CAMSAP2: variants seen among roughly 807,000 people sequenced by gnomAD.
CAMSAP2 encodes calmodulin-regulated spectrin-associated protein 2.
Under a neutral mutation model 146.1 loss-of-function variants are expected in CAMSAP2, and 26 were observed. That is an observed-to-expected ratio of 0.18 (90% CI 0.13 to 0.25). CAMSAP2 has a LOEUF of 0.25. CAMSAP2 is among the 10% of genes least tolerant of loss of function. CAMSAP2 has a pLI of 1.00. For synonymous variants in CAMSAP2, 499 were observed against 596.6 expected (o/e 0.84, Z 2.38); for missense variants, 1,381 against 1,759.3 (o/e 0.78, Z 3.85).
Position 200,739,598 on chromosome 1 carries a change from C to T in CAMSAP2, c.-230C>T, listed in dbSNP as rs1664085999. 2 of 251,162 alleles carry T rather than the reference C, an allele frequency of 8.0e-6. No homozygotes were observed. Among genetic ancestry groups the T allele is most frequent in the Non-Finnish European group, 1.5e-5 (2 of 137,488 alleles). 15.6% of individuals were successfully genotyped at this position (251,162 alleles called of 1,614,324 possible). A position where few individuals can be genotyped will look rare whatever the true frequency, so the allele number is the denominator to read the frequency against. On this transcript the variant is annotated 5_prime_UTR_variant, in exon 1 of 17. Transcript: ENST00000358823. This position sits in a 1 kb window ranked among gnomAD's most constrained non-coding sequence, Gnocchi z 4.8. ...CGCGGACGGACGGACGGAGACGGCGCCGCCACATTCCTATGCCCGGGAGCG... is the reference window on the plus strand; with the variant it reads ...CGCGGACGGACGGACGGAGACGGCGTCGCCACATTCCTATGCCCGGGAGCG...
chr1:200,740,100 A>G, intron 1 of CAMSAP2, 134 bp downstream of exon 1: 12 of 952,350 alleles, frequency 1.3e-5, no homozygotes. Flanking sequence ...ATGGGAGGCT[A>G]GGAAGAGAAA....
chr1:200,832,431 TGAGTGGGACCC>T lies in CAMSAP2; in HGVS notation c.787+91_787+101del. 8.2e-7 allele frequency: 1 copy of T among 1,220,300 alleles called. No individual in the cohort carries two copies. The highest frequency in any genetic ancestry group is 1.1e-6 in the Non-Finnish European group (1 of 897,258). 75.6% of individuals were successfully genotyped at this position (1,220,300 alleles called of 1,614,324 possible). Reference sequence around the variant, plus strand: ...TATTTTGCACTCCAGCCTAGGTGACTGAGTGGGACCCTGTCTCAAAAAAAAGACAATATTAT... The same window carrying T: ...TATTTTGCACTCCAGCCTAGGTGACTTGTCTCAAAAAAAAGACAATATTAT... On this transcript the variant is annotated intron_variant, in intron 5 of 16. Coordinates refer to ENST00000358823, the MANE Select transcript of CAMSAP2 (RefSeq NM_203459.4). This position sits in a 1 kb window ranked among gnomAD's most constrained non-coding sequence, Gnocchi z 4.2.
In CAMSAP2 at chr1:200,739,790, G is replaced by C; in HGVS notation, c.-38G>C. ...TGGTGGCGAGGCCACGCCATGTGAAGGTTAGGGCCGGGACATCCCGAGGAG... is the reference window on the plus strand; with the variant it reads ...TGGTGGCGAGGCCACGCCATGTGAACGTTAGGGCCGGGACATCCCGAGGAG... On this transcript the variant is annotated 5_prime_UTR_variant, in exon 1 of 17. Coordinates refer to ENST00000358823, the MANE Select transcript of CAMSAP2 (RefSeq NM_203459.4). The surrounding 1 kb of genome is among the most constrained non-coding windows in gnomAD (Gnocchi z 4.8). 6.2e-7 allele frequency: 1 copy of C among 1,601,732 alleles called. No individual in the cohort carries two copies. The highest frequency in any genetic ancestry group is 1.7e-5 in the Admixed American group (1 of 58,594).
chr1:200,758,982 C>T (rs1056111121), intron 1 of CAMSAP2, among the ~76,000 whole-genome samples: 3 of 152,106 alleles, frequency 2.0e-5, no homozygotes, highest in African/African-American at 7.2e-5. Context: ...CCAGATTGTT[C>T]CAAAACGTCA....
chr1:200,815,868 G>A (rs573114943), intron 4 of CAMSAP2, among the ~76,000 whole-genome samples: 1 of 152,328 alleles, frequency 6.6e-6, no homozygotes, highest in Non-Finnish European at 1.5e-5. Context: ...TAGAACTCAA[G>A]TTCTGAGGTT....
intron 3 of CAMSAP2, among the ~76,000 whole-genome samples, chr1:200,814,125 A>AAGGGGGGGG (rs1558188973): frequency 2.5e-4 from 1 of 3,972 alleles, no homozygotes; most frequent in East Asian, 8.5e-3. Flanking sequence ...AAAAAAAAAA[A>AAGGGGGGGG]GGTGGCGGGG....
rs145330521 is a variant in CAMSAP2 at position 200,817,217 on chromosome 1, CAT to C, written c.645+1576_645+1577del. Among the ~76,000 whole-genome samples the C allele has an allele frequency of 4.9e-4, 39 of 79,936 alleles. 1 individual carries two copies. Among genetic ancestry groups the C allele is most frequent in the Middle Eastern group, 6.8e-3 (1 of 146 alleles). The allele number at this position is 79,936 out of a possible 152,430, so 52.4% of individuals were successfully genotyped here. On this transcript the variant is annotated intron_variant, in intron 4 of 16. Coordinates refer to ENST00000358823, the MANE Select transcript of CAMSAP2 (RefSeq NM_203459.4). The stretch of plus-strand genomic sequence containing the variant: ...GTGTGTGTGTATACACACATACACA[CAT>C]ATGTGTGTGTATATACACACATACA...
chr1:200,782,310 C>T (rs1245334224), intron 2 of CAMSAP2, among the ~76,000 whole-genome samples: 1 of 152,134 alleles, frequency 6.6e-6, no homozygotes, highest in African/African-American at 2.4e-5. Context: ...AAAAAATCAA[C>T]TTTACTAAGG....
chr1:200,748,974 C>T (rs556889786), intron 1 of CAMSAP2, among the ~76,000 whole-genome samples: 4 of 152,132 alleles, frequency 2.6e-5, no homozygotes, highest in Admixed American at 2.0e-4. Flanking sequence ...CAAAAACTAG[C>T]CTAGAGGTCA....
intron 3 of CAMSAP2, among the ~76,000 whole-genome samples, chr1:200,810,575 CA>C (rs955804895): frequency 0.026 from 2,524 of 95,750 alleles, 19 homozygotes; most frequent in Non-Finnish European, 0.031. Context: ...GACTCCATCT[CA>C]AAAAAAAAAA....
At chr1:200,851,815 C>T (rs1667626109) in intron 11 of CAMSAP2, among the ~76,000 whole-genome samples, 1 of 152,084 alleles carries the variant, frequency 6.6e-6, no homozygotes, top group Non-Finnish European at 1.5e-5. Flanking sequence ...GGACAGTTGA[C>T]AAGGAGACAT....
chr1:200,850,339 C>G, intron 11 of CAMSAP2, 105 bp downstream of exon 11: 1 of 951,784 alleles, frequency 1.1e-6, no homozygotes, highest in Non-Finnish European at 1.5e-6. Flanking sequence ...CAGTAGCAGT[C>G]CCTTTTGATA....
chr1:200,811,292 C>A (rs12736722), intron 3 of CAMSAP2, among the ~76,000 whole-genome samples: 2 of 152,026 alleles, frequency 1.3e-5, no homozygotes, highest in East Asian at 3.9e-4. Context: ...TTCTTAGAAT[C>A]TTTCCTACAC....
chr1:200,748,456 T>C (rs781728402), intron 1 of CAMSAP2, among the ~76,000 whole-genome samples: 4 of 152,230 alleles, frequency 2.6e-5, no homozygotes, highest in African/African-American at 4.8e-5. Context: ...CAGTTTTATT[T>C]GTTCTAGTTA....
intron 2 of CAMSAP2, among the ~76,000 whole-genome samples, chr1:200,781,280 G>A (rs1356721919): frequency 6.6e-6 from 1 of 152,150 alleles, no homozygotes; most frequent in Non-Finnish European, 1.5e-5. Flanking sequence ...TACTAGGAAT[G>A]TCTTTATTGG....
Position 200,848,883 on chromosome 1 carries a change from G to A in CAMSAP2, c.2114G>A (p.Ser705Asn), listed in dbSNP as rs200988375. 6.2e-7 allele frequency: 1 copy of A among 1,614,152 alleles called. No individual in the cohort carries two copies. The highest frequency in any genetic ancestry group is 8.5e-7 in the Non-Finnish European group (1 of 1,180,004). Residue 705 changes from serine (S) to asparagine (N), a missense_variant, in exon 11 of 17, where the codon AGT becomes AAT. This residue lies in a region of CAMSAP2 where 447 missense variants were observed against 462.2 expected (regional missense o/e 0.97). Transcript: ENST00000358823. The stretch of plus-strand genomic sequence containing the variant: ...CTGAATCATACCGATGGAAAAAGTA[G>A]TGGAAGCAGTTCTCAAAAAACTACA... ...RKLNHTDGKSSGSSSQKTTPE... is the reference protein window; with the variant it reads ...RKLNHTDGKSNGSSSQKTTPE...
At chr1:200,829,777 A>G (rs1331123721) in intron 4 of CAMSAP2, among the ~76,000 whole-genome samples, 1 of 152,068 alleles carries the variant, frequency 6.6e-6, no homozygotes, top group Non-Finnish European at 1.5e-5. Flanking sequence ...AAATAGAAAA[A>G]TGAGGCAGGC....
Position 200,788,839 on chromosome 1 carries a change from A to G in CAMSAP2, c.400-18537A>G, listed in dbSNP as rs549398260. Among the ~76,000 whole-genome samples, 6 of 147,824 alleles carry G rather than the reference A, an allele frequency of 4.1e-5. No homozygotes were observed. In the South Asian group the frequency reaches 1.1e-3, roughly 26 times the overall value. On this transcript the variant is annotated intron_variant, in intron 2 of 16. Transcript: ENST00000358823. ...GTATTTTTTTTTTTTTTTAGTAGAG[A>G]CGGAGTTTCACTATGCTGGCCAGGC...
rs1018141901 is a variant in CAMSAP2, at chr1:200,739,154, G to C, written c.-674G>C. Among the ~76,000 whole-genome samples the C allele has an allele frequency of 3.3e-5, 5 of 151,918 alleles. No homozygotes were observed. ...GGAAGGAGGAGACGGCGACGGGAGG[G>C]AGCACAGAGGAGGGGACGGGCCGGC... On this transcript the variant is annotated 5_prime_UTR_variant, in exon 1 of 17. Transcript: ENST00000358823. The surrounding 1 kb of genome is among the most constrained non-coding windows in gnomAD (Gnocchi z 4.8).
Sources: allele counts gnomAD v4.1 joint callset (sites outside exome capture counted in the v4.1 genomes callset), GRCh38; gene constraint gnomAD v4.1.1; regional missense constraint gnomAD v4.1.1; non-coding constraint Gnocchi (gnomAD v3.1); transcripts MANE v1.5; gene names NCBI Gene and HGNC (gene_info 2026-07-23, HGNC 2026-07-21).